IMMP2L: variants seen among roughly 807,000 people sequenced by gnomAD.
IMMP2L encodes the protein inner mitochondrial membrane peptidase subunit 2, also known as mitochondrial inner membrane protease subunit 2.
In IMMP2L, 18 loss-of-function variants were observed where a neutral mutation model predicts 19.3. That is an observed-to-expected ratio of 0.93 (90% CI 0.64 to 1.38). The LOEUF (loss-of-function observed/expected upper bound fraction) is 1.38, where lower values mean the gene tolerates loss of function less well. IMMP2L is among the 40% of genes most tolerant of loss of function. The pLI, the probability that IMMP2L is intolerant of heterozygous loss-of-function variation, is 0.00. For synonymous variants in IMMP2L, 76 were observed against 73.0 expected, an observed-to-expected ratio of 1.04 and a Z score of -0.21; for missense variants, 233 against 218.2, an observed-to-expected ratio of 1.07 and a Z score of -0.43.
chr7:111,231,077 T>A (rs144878412), intron 3 of IMMP2L, among the ~76,000 whole-genome samples: 3,920 of 151,290 alleles, frequency 0.026, 88 homozygotes, highest in Middle Eastern at 0.048. Flanking sequence ...AAAAGAAAGC[T>A]TTTATAATAC....
At chr7:111,343,887 A>G (rs1252445896) in intron 3 of IMMP2L, among the ~76,000 whole-genome samples, 2 of 152,066 alleles carry the variant, frequency 1.3e-5, no homozygotes, top group African/African-American at 4.8e-5. Flanking sequence ...TGGTACAACC[A>G]TCATTTACTG....
At chr7:111,051,834 T>C (rs1793033214) in intron 3 of IMMP2L, among the ~76,000 whole-genome samples, 1 of 152,202 alleles carries the variant, frequency 6.6e-6, no homozygotes, top group Non-Finnish European at 1.5e-5. Flanking sequence ...GACAAGAACA[T>C]TGGTGATACT....
chr7:110,808,416 T>C (rs993880978), intron 5 of IMMP2L, among the ~76,000 whole-genome samples: 7 of 152,006 alleles, frequency 4.6e-5, no homozygotes. Flanking sequence ...AGTTTATTTA[T>C]TTTGGGCAGC....
At chr7:111,161,784 GT>G (rs1463415470) in intron 3 of IMMP2L, among the ~76,000 whole-genome samples, 1 of 151,876 alleles carries the variant, frequency 6.6e-6, no homozygotes, top group African/African-American at 2.4e-5. Flanking sequence ...TATCTACAAG[GT>G]TTTTGATCCT....
At chr7:111,176,422 G>A (rs1302402976) in intron 3 of IMMP2L, among the ~76,000 whole-genome samples, 2 of 151,936 alleles carry the variant, frequency 1.3e-5, no homozygotes, top group Non-Finnish European at 2.9e-5. Context: ...TATACACAAT[G>A]GAGTACTATT....
chr7:110,894,093 GTAAGA>G (rs1563060659), intron 4 of IMMP2L, among the ~76,000 whole-genome samples: 1 of 151,948 alleles, frequency 6.6e-6, no homozygotes, highest in African/African-American at 2.4e-5. Flanking sequence ...CACCTGACAG[GTAAGA>G]CATCCGAAGA....
In IMMP2L at chr7:111,446,695, A is replaced by T. The variant is rs189888679; in HGVS notation, c.239+40543T>A. On this transcript the variant is annotated intron_variant, in intron 3 of 5. Coordinates refer to ENST00000405709, the MANE Select transcript of IMMP2L (RefSeq NM_032549.4). ...GCAGTTCCTCACCAGCAACGGAACA[A>T]AACTGGATGGAGAATGATTTCGATG... Among the ~76,000 whole-genome samples, 62 of 152,358 alleles carry T rather than the reference A, an allele frequency of 4.1e-4. No homozygotes were observed. The East Asian group carries it at 0.011, about 28-fold the overall frequency.
At chr7:111,440,251 G>A (rs1837584101) in intron 3 of IMMP2L, among the ~76,000 whole-genome samples, 1 of 151,720 alleles carries the variant, frequency 6.6e-6, no homozygotes, top group Non-Finnish European at 1.5e-5. Context: ...ATCCTTTTCA[G>A]GAAATTTTCA....
At chr7:111,072,415 C>G (rs1399141412) in intron 3 of IMMP2L, among the ~76,000 whole-genome samples, 4 of 152,142 alleles carry the variant, frequency 2.6e-5, no homozygotes. Context: ...CTGGGGCAAA[C>G]TGGTATCTTG....
At chr7:111,285,372 T>A (rs985498369) in intron 3 of IMMP2L, among the ~76,000 whole-genome samples, 1 of 152,094 alleles carries the variant, frequency 6.6e-6, no homozygotes, top group South Asian at 2.1e-4. Context: ...AAAGACCTGA[T>A]TGAACAGAGA....
At chr7:111,192,167 CAA>C (rs72223747) in intron 3 of IMMP2L, among the ~76,000 whole-genome samples, 4,316 of 152,088 alleles carry the variant, frequency 0.028, 214 homozygotes, top group African/African-American at 0.096. Context: ...CAGAATATAA[CAA>C]TATATTTTTA....
At chr7:110,899,064 C>T (rs1811604982) in intron 4 of IMMP2L, among the ~76,000 whole-genome samples, 1 of 151,934 alleles carries the variant, frequency 6.6e-6, no homozygotes, top group African/African-American at 2.4e-5. Context: ...AATAATTTCT[C>T]TGTTAACTCA....
intron 3 of IMMP2L, among the ~76,000 whole-genome samples, chr7:111,447,428 C>G (rs958782589): frequency 6.6e-6 from 1 of 150,428 alleles, no homozygotes; most frequent in African/African-American, 2.5e-5. Flanking sequence ...AAAGAATTTT[C>G]AACTCAGAAT....
chr7:110,898,363 CAG>C (rs766680882), intron 4 of IMMP2L, among the ~76,000 whole-genome samples: 2 of 152,020 alleles, frequency 1.3e-5, no homozygotes, highest in Non-Finnish European at 2.9e-5. Flanking sequence ...AGGGCAAGAA[CAG>C]AGGATGAATC....
Position 111,521,395 on chromosome 7 carries a change from C to G in IMMP2L, c.53G>C (p.Gly18Ala). ...TGCCACAGGCACCGCCACAAAGAAG[C>G]CTTTACAAAAGGCCTTGATGTATCT... ...VKRYIKAFCK[G>A]FFVAVPVAVT... is the part of the protein sequence containing the mutation. The change falls in exon 2 of 6, where the codon GGC (glycine) becomes GCC (alanine). Residue 18 changes from glycine (G) to alanine (A), a missense_variant. Coordinates refer to ENST00000405709, the MANE Select transcript of IMMP2L (RefSeq NM_032549.4). The G allele has an allele frequency of 6.2e-7, 1 of 1,613,214 alleles. No homozygotes were observed. The highest frequency in any genetic ancestry group is 8.5e-7 in the Non-Finnish European group (1 of 1,179,424).
intron 3 of IMMP2L, among the ~76,000 whole-genome samples, chr7:111,008,935 G>A (rs1824606270): frequency 6.6e-6 from 1 of 152,080 alleles, no homozygotes; most frequent in African/African-American, 2.4e-5. Flanking sequence ...GTGCCACTTT[G>A]AGTCATCTCA....
chr7:111,485,597 C>CAAAA (rs71147477), intron 3 of IMMP2L, among the ~76,000 whole-genome samples: 821 of 50,564 alleles, frequency 0.016, 249 homozygotes, highest in East Asian at 0.018. Flanking sequence ...GACTCTGTTT[C>CAAAA]AAAAAAAAAA....
rs145157062 is a variant in IMMP2L, at chr7:110,948,592, CTGTT to C, written c.305+14904_305+14907del. On this transcript the variant is annotated intron_variant, in intron 4 of 5. Transcript: ENST00000405709. ...CTATTCCTTTTGTGTTAAGAAGAAACTGTTTGGGCAATGAAATTTAGTATTCTTT... is the reference window on the plus strand; with the variant it reads ...CTATTCCTTTTGTGTTAAGAAGAAACTGGGCAATGAAATTTAGTATTCTTT... Among the ~76,000 whole-genome samples the C allele has an allele frequency of 3.1e-3, 470 of 152,228 alleles. 1 individual carries two copies. Among genetic ancestry groups the C allele is most frequent in the Admixed American group, 5.5e-3 (84 of 15,294 alleles).
At chr7:111,540,040 G>A (rs1022923629) in intron 1 of IMMP2L, among the ~76,000 whole-genome samples, 1 of 151,906 alleles carries the variant, frequency 6.6e-6, no homozygotes, top group Non-Finnish European at 1.5e-5. Context: ...TAATCTAATT[G>A]AACAACAGAA....
Sources: allele counts gnomAD v4.1 joint callset (sites outside exome capture counted in the v4.1 genomes callset), GRCh38; gene constraint gnomAD v4.1.1; transcripts MANE v1.5; gene names NCBI Gene and HGNC (gene_info 2026-07-23, HGNC 2026-07-21).